ABCA1: variants seen among roughly 807,000 people sequenced by gnomAD.
ABCA1 encodes phospholipid-transporting ATPase ABCA1.
Under a neutral mutation model 262.5 loss-of-function variants are expected in ABCA1, and 133 were observed. That is an observed-to-expected ratio of 0.51 (90% CI 0.44 to 0.59). The LOEUF (loss-of-function observed/expected upper bound fraction) is 0.59, where lower values mean the gene tolerates loss of function less well. Ranked by LOEUF, ABCA1 falls within the 20% of genes least tolerant of loss-of-function variation. The pLI is 0.00. For missense variants in ABCA1, 2,452 were observed against 2,777.5 expected, an observed-to-expected ratio of 0.88 and a Z score of 2.63; for synonymous variants, 1,022 against 1,043.5, an observed-to-expected ratio of 0.98 and a Z score of 0.40.
rs201112475 is a variant in ABCA1 at position 104,792,041 on chromosome 9, C to T, written c.5758-43G>A. On this transcript the variant is annotated intron_variant, in intron 42 of 49. Coordinates refer to ENST00000374736, the MANE Select transcript of ABCA1 (RefSeq NM_005502.4). ...TAAACATTCATAAGCCTCAGTGACT[C>T]ACAGCTCTCCCAAGCAACTGTGGAA... 8.2e-6 allele frequency: 13 copies of T among 1,577,708 alleles called. No homozygotes were observed. The Admixed American group carries it at 1.4e-4, about 16-fold the overall frequency.
At chr9:104,888,287 A>G (rs1839390278) in intron 3 of ABCA1, among the ~76,000 whole-genome samples, 1 of 152,102 alleles carries the variant, frequency 6.6e-6, no homozygotes, top group African/African-American at 2.4e-5. Context: ...GTGGTAGGAA[A>G]AATCACTAGG....
rs1830050140 is a variant in ABCA1, at chr9:104,798,084, G to A, written c.5121+337C>T. 1.3e-5 allele frequency among the ~76,000 whole-genome samples: 2 copies of A among 152,194 alleles called. 1 individual carries two copies. Among genetic ancestry groups the A allele is most frequent in the East Asian group, 3.9e-4 (2 of 5,188 alleles). On this transcript the variant is annotated intron_variant, in intron 37 of 49. Coordinates refer to ENST00000374736, the MANE Select transcript of ABCA1 (RefSeq NM_005502.4). ...GGCAAAGAACATTCTGACTCTGGAG[G>A]TTAAAACCCATCAGAGAAGTTAGAG...
chr9:104,796,527 T>C (rs540987580), intron 37 of ABCA1, 103 bp from the exon 38 acceptor site: 11 of 838,236 alleles, frequency 1.3e-5, no homozygotes, highest in South Asian at 1.2e-4. Context: ...GATAAACATA[T>C]TGGAGAGTAA....
chr9:104,872,528 C>T (rs1328023197), intron 5 of ABCA1, among the ~76,000 whole-genome samples: 1 of 152,192 alleles, frequency 6.6e-6, no homozygotes, highest in Non-Finnish European at 1.5e-5. Flanking sequence ...TTTCGAGCCT[C>T]GGTTTCCTCA....
chr9:104,889,244 T>A, intron 2 of ABCA1, 49 bp from the exon 3 acceptor site: 1 of 1,588,674 alleles, frequency 6.3e-7, no homozygotes, highest in Admixed American at 1.7e-5. Flanking sequence ...ATAATATGGA[T>A]ATCCAATGCC....
chr9:104,915,788 T>C (rs1001790211), intron 1 of ABCA1, among the ~76,000 whole-genome samples: 1 of 152,102 alleles, frequency 6.6e-6, no homozygotes, highest in Non-Finnish European at 1.5e-5. Context: ...TTTTGAAAAA[T>C]TCACACAATC....
chr9:104,897,899 G>A (rs531617023), intron 2 of ABCA1, among the ~76,000 whole-genome samples: 6 of 152,092 alleles, frequency 3.9e-5, no homozygotes, highest in African/African-American at 9.7e-5. Flanking sequence ...CACCATGCCC[G>A]GCCATTAACT....
intron 5 of ABCA1, among the ~76,000 whole-genome samples, chr9:104,881,440 G>C (rs1838643842): frequency 1.3e-5 from 2 of 152,154 alleles, no homozygotes; most frequent in African/African-American, 2.4e-5. Flanking sequence ...GTAAGGCTGA[G>C]GGGTTAAATG....
Position 104,829,138 on chromosome 9 carries a change from G to C in ABCA1, c.1893C>G (p.Ile631Met). Residue 631 changes from isoleucine to methionine, a missense_variant and splice_region_variant, in exon 15 of 50, where the codon ATC becomes ATG. Coordinates refer to ENST00000374736, the MANE Select transcript of ABCA1 (RefSeq NM_005502.4). The part of the protein sequence containing the change: ...QMPYPCYVDD[I>M]FLRVMSRSMP... ...TTGACCGGCTCATCACCCGCAGAAA[G>C]CTGGAGGCCCCAAGGAAGGACAAGG... The C allele has an allele frequency of 6.2e-7, 1 of 1,614,152 alleles. No individual in the cohort carries two copies. Among genetic ancestry groups the C allele is most frequent in the South Asian group, 1.1e-5 (1 of 91,078 alleles).
chr9:104,922,987 G>A (rs1166086601), intron 1 of ABCA1, among the ~76,000 whole-genome samples: 2 of 152,162 alleles, frequency 1.3e-5, no homozygotes, highest in African/African-American at 4.8e-5. Context: ...AAAGTGCTGG[G>A]AATACAACAA....
intron 5 of ABCA1, among the ~76,000 whole-genome samples, chr9:104,862,687 G>C (rs1329115858): frequency 0.03 from 47 of 1,574 alleles, 7 homozygotes; most frequent in Admixed American, 0.04. Flanking sequence ...GCCGGGCCGG[G>C]CCGGGCCGGG....
intron 1 of ABCA1, among the ~76,000 whole-genome samples, chr9:104,921,226 A>G (rs1842125379): frequency 6.6e-6 from 1 of 152,236 alleles, no homozygotes; most frequent in African/African-American, 2.4e-5. Context: ...GGACTTTAAG[A>G]CTAACCAGAT....
At chr9:104,816,052 C>T in intron 25 of ABCA1, 91 bp downstream of exon 25, 1 of 1,406,042 alleles carries the variant, frequency 7.1e-7, no homozygotes, top group Non-Finnish European at 1.0e-6. Flanking sequence ...TGACTAACTC[C>T]ATGATAATCC....
At position 104,829,943 on chromosome 9, in the gene ABCA1, T is replaced by TACACACAC. The variant is rs59055896; in HGVS notation, c.1893-813_1893-806dup. Among the ~76,000 whole-genome samples the TACACACAC allele has an allele frequency of 3.8e-3, 540 of 140,894 alleles. 2 individuals carry two copies. The highest frequency in any genetic ancestry group is 0.013 in the African/African-American group (507 of 39,166). 92.4% of individuals were successfully genotyped at this position (140,894 alleles called of 152,430 possible). A position where few individuals can be genotyped will look rare whatever the true frequency, so the allele number is the denominator to read the frequency against. ...CCAGCTCCTCCCGCATCCTGATCCCTACACACACACACACACACACACACA... is the reference window on the plus strand; with the variant it reads ...CCAGCTCCTCCCGCATCCTGATCCCTACACACACACACACACACACACACACACACACA... On this transcript the variant is annotated intron_variant, in intron 14 of 49. Transcript: ENST00000374736.
intron 34 of ABCA1, 41 bp from the exon 35 acceptor site, chr9:104,800,625 A>T: frequency 6.3e-7 from 1 of 1,580,994 alleles, no homozygotes; most frequent in Non-Finnish European, 8.7e-7. Context: ...GACTGTTCAC[A>T]TAGATAAGGG....
chr9:104,904,623 C>A (rs1450726171), intron 1 of ABCA1, among the ~76,000 whole-genome samples: 2 of 150,510 alleles, frequency 1.3e-5, no homozygotes, highest in Admixed American at 6.6e-5. Context: ...AAAACCACAA[C>A]GTGCCTTAGA....
intron 6 of ABCA1, among the ~76,000 whole-genome samples, chr9:104,861,090 A>G (rs1437019331): frequency 6.6e-6 from 1 of 152,122 alleles, no homozygotes; most frequent in African/African-American, 2.4e-5. Flanking sequence ...GCTTTGTGAC[A>G]CTAGTCCGTT....
At chr9:104,848,397 C>T (rs1835078725) in intron 7 of ABCA1, among the ~76,000 whole-genome samples, 1 of 151,984 alleles carries the variant, frequency 6.6e-6, no homozygotes, top group African/African-American at 2.4e-5. Context: ...GGTGGATCAC[C>T]TGAGGTCAGG....
At chr9:104,785,122 C>T (rs769811835) in intron 49 of ABCA1, among the ~76,000 whole-genome samples, 5 of 152,074 alleles carry the variant, frequency 3.3e-5, no homozygotes, top group African/African-American at 4.8e-5. Context: ...GATTAGGCAC[C>T]AAGTAAAATG....
Sources: gnomAD v4.1 joint callset for allele counts (sites outside exome capture counted in the v4.1 genomes callset) on GRCh38, gnomAD v4.1.1 for gene constraint, MANE v1.5 for transcripts, NCBI Gene and HGNC (gene_info 2026-07-23, HGNC 2026-07-21) for gene names.